Variants in PTPRG observed in about 807,000 individuals in gnomAD.
PTPRG encodes protein tyrosine phosphatase receptor type G, also known as receptor-type tyrosine-protein phosphatase gamma.
In PTPRG, 102 loss-of-function variants were observed where a neutral mutation model predicts 165.3. The ratio of observed to expected loss-of-function variants is 0.62; its 90% CI spans 0.53 to 0.73. The LOEUF is 0.73. Ranked by LOEUF, PTPRG falls within the 30% of genes least tolerant of loss-of-function variation. The pLI, the probability that PTPRG is intolerant of heterozygous loss-of-function variation, is 0.00. For missense variants in PTPRG, 1,866 were observed against 1,861.4 expected (o/e 1.00, Z -0.05); for synonymous variants, 675 against 669.5 (o/e 1.01, Z -0.13).
At chr3:62,262,384 T>C (rs192986019) in intron 16 of PTPRG, 1 of 153,670 alleles carries the variant, frequency 6.5e-6, no homozygotes, top group Non-Finnish European at 1.4e-5. Flanking sequence ...TTTCTTCCTT[T>C]AAGACTTAGG....
intron 2 of PTPRG, among the ~76,000 whole-genome samples, chr3:61,818,414 TAGAA>T (rs745368628): frequency 9.9e-5 from 15 of 151,918 alleles, no homozygotes; most frequent in Admixed American, 5.2e-4. Context: ...AAGAATAAAT[TAGAA>T]AGAATGCAAG....
intron 1 of PTPRG, among the ~76,000 whole-genome samples, chr3:61,682,617 A>G (rs1208434148): frequency 6.6e-6 from 1 of 152,188 alleles, no homozygotes; most frequent in Middle Eastern, 3.2e-3. Context: ...TAGTTTATCT[A>G]TCCTGTTCTT....
At chr3:61,610,871 A>G (rs1435788562) in intron 1 of PTPRG, among the ~76,000 whole-genome samples, 1 of 150,820 alleles carries the variant, frequency 6.6e-6, no homozygotes, top group Non-Finnish European at 1.5e-5. Context: ...CAATTGCACT[A>G]TCTTGGCTCA....
intron 2 of PTPRG, among the ~76,000 whole-genome samples, chr3:61,790,575 A>G (rs924031445): frequency 6.6e-6 from 1 of 152,234 alleles, no homozygotes; most frequent in African/African-American, 2.4e-5. Flanking sequence ...GTTTGTGTAT[A>G]AGTTTATAGA....
Position 62,195,169 on chromosome 3 carries a change from A to G in PTPRG, c.1326A>G (p.Gln442=), listed in dbSNP as rs1401828882. The G allele has an allele frequency of 1.2e-6, 2 of 1,613,956 alleles. No homozygotes were observed. Among genetic ancestry groups the G allele is most frequent in the Non-Finnish European group, 8.5e-7 (1 of 1,179,932 alleles). Residue 442 remains glutamine (Q), a splice_region_variant and synonymous_variant, in exon 10 of 30, where the codon CAA becomes CAG. Coordinates refer to ENST00000474889, the MANE Select transcript of PTPRG (RefSeq NM_002841.4). This position sits in a 1 kb window ranked among gnomAD's most constrained non-coding sequence, Gnocchi z 4.4. The stretch of plus-strand genomic sequence containing the variant: ...ACTTTAGCCAGACGATGCTGTTTCA[A>G]GGTGAGGCTGGCTTCCCCTCCTGTG... ...RSDFSQTMLF[Q]ANTTRIFQGT...
chr3:62,180,148 A>G (rs1254075769), intron 8 of PTPRG, among the ~76,000 whole-genome samples: 1 of 152,216 alleles, frequency 6.6e-6, no homozygotes, highest in Admixed American at 6.5e-5. Flanking sequence ...AAGTATTTCT[A>G]TAAAATCCCA....
At chr3:61,951,868 C>T (rs2039907452) in intron 2 of PTPRG, among the ~76,000 whole-genome samples, 1 of 152,010 alleles carries the variant, frequency 6.6e-6, no homozygotes, top group Non-Finnish European at 1.5e-5. Context: ...GCCTGTAATC[C>T]CAGCACTTTG....
intron 4 of PTPRG, among the ~76,000 whole-genome samples, chr3:62,020,725 T>C (rs2041669077): frequency 6.6e-6 from 1 of 152,156 alleles, no homozygotes; most frequent in Non-Finnish European, 1.5e-5. Flanking sequence ...GTTGTTTGTT[T>C]GTGTTTTGAG....
chr3:62,077,196 A>T (rs991193510), intron 4 of PTPRG, among the ~76,000 whole-genome samples: 4 of 151,868 alleles, frequency 2.6e-5, no homozygotes, highest in African/African-American at 9.7e-5. Context: ...AGCCTAGGAG[A>T]TGGAGGCCGC....
intron 2 of PTPRG, among the ~76,000 whole-genome samples, chr3:61,906,236 T>C (rs2038647268): frequency 6.6e-6 from 1 of 151,652 alleles, no homozygotes; most frequent in Non-Finnish European, 1.5e-5. Flanking sequence ...AGGTGGATCA[T>C]GAGGTCAGGA....
intron 2 of PTPRG, among the ~76,000 whole-genome samples, chr3:61,774,787 G>A (rs567389290): frequency 6.6e-6 from 1 of 152,298 alleles, no homozygotes; most frequent in African/African-American, 2.4e-5. Context: ...TATGGCTATT[G>A]AGCAGCTTCT....
At chr3:62,112,060 C>T (rs985277162) in intron 5 of PTPRG, among the ~76,000 whole-genome samples, 2 of 152,012 alleles carry the variant, frequency 1.3e-5, no homozygotes, top group African/African-American at 4.8e-5. Flanking sequence ...ACCAGAAACA[C>T]CATGGCCCCA....
At chr3:62,052,767 C>A (rs1482488662) in intron 4 of PTPRG, among the ~76,000 whole-genome samples, 1 of 152,008 alleles carries the variant, frequency 6.6e-6, no homozygotes, top group Non-Finnish European at 1.5e-5. Context: ...ATTTGGTTAG[C>A]CTTTCATTTC....
chr3:62,116,023 A>G (rs1702853911), intron 5 of PTPRG, among the ~76,000 whole-genome samples: 1 of 152,150 alleles, frequency 6.6e-6, no homozygotes, highest in Non-Finnish European at 1.5e-5. Context: ...AACTCTCATG[A>G]CAGCTGTAAG....
In PTPRG at chr3:62,203,305, C is replaced by G; in HGVS notation, c.1510C>G (p.Gln504Glu). 1.2e-6 allele frequency: 2 copies of G among 1,613,466 alleles called. No individual in the cohort carries two copies. Among genetic ancestry groups the G allele is most frequent in the East Asian group, 2.2e-5 (1 of 44,814 alleles). Residue 504 changes from glutamine to glutamate, a missense_variant, in exon 12 of 30, where the codon CAG becomes GAG. Transcript: ENST00000474889. The surrounding 1 kb of genome is among the most constrained non-coding windows in gnomAD (Gnocchi z 6.4). ...TGMGPSSSGS[Q>E]ATVASVVTST... ...GATGGGCCCCTCCTCCAGTGGCAGC[C>G]AGGCCACAGTGGCCTCGGTGGTCAC...
At chr3:62,277,738 C>G in intron 26 of PTPRG, 59 bp downstream of exon 26, 1 of 1,593,722 alleles carries the variant, frequency 6.3e-7, no homozygotes, top group African/African-American at 1.3e-5. Context: ...GCATAAATTA[C>G]TTTGATACTT....
At chr3:61,721,113 T>A (rs928259905) in intron 1 of PTPRG, among the ~76,000 whole-genome samples, 4 of 152,218 alleles carry the variant, frequency 2.6e-5, no homozygotes, top group Non-Finnish European at 5.9e-5. Context: ...CACCAAATTT[T>A]ACCCTTCAGT....
chr3:62,287,188 A>G (rs992374018), intron 28 of PTPRG, among the ~76,000 whole-genome samples: 2 of 152,120 alleles, frequency 1.3e-5, no homozygotes, highest in Non-Finnish European at 2.9e-5. Context: ...AAAAAAGGGG[A>G]GATTCTTAAG....
chr3:61,897,478 G>A (rs746917183), intron 2 of PTPRG, among the ~76,000 whole-genome samples: 2 of 152,028 alleles, frequency 1.3e-5, no homozygotes, highest in Non-Finnish European at 2.9e-5. Flanking sequence ...TCACACTGTC[G>A]TGATTACTAT....
Sources: gnomAD v4.1 joint callset for allele counts (sites outside exome capture counted in the v4.1 genomes callset) on GRCh38, gnomAD v4.1.1 for gene constraint, Gnocchi (gnomAD v3.1) non-coding constraint, MANE v1.5 for transcripts, NCBI Gene and HGNC (gene_info 2026-07-23, HGNC 2026-07-21) for gene names.